Variants in PLXDC2 observed in about 807,000 individuals in gnomAD.
PLXDC2 encodes plexin domain containing 2, also known as plexin domain-containing protein 2.
Under a neutral mutation model 68.9 loss-of-function variants are expected in PLXDC2, and 40 were observed. That is an observed-to-expected ratio of 0.58 (90% CI 0.45 to 0.76). The LOEUF (loss-of-function observed/expected upper bound fraction) is 0.76, where lower values mean the gene tolerates loss of function less well. PLXDC2 is among the 30% of genes least tolerant of loss of function. PLXDC2 has a pLI of 0.00. For synonymous variants in PLXDC2, 243 were observed against 234.2 expected (o/e 1.04, Z -0.34); for missense variants, 644 against 661.9 (o/e 0.97, Z 0.30).
chr10:20,159,810 A>G (rs10827976), intron 6 of PLXDC2, among the ~76,000 whole-genome samples: 24,946 of 152,036 alleles, frequency 0.16, 2,361 homozygotes, highest in East Asian at 0.39. Flanking sequence ...ACATCTACCC[A>G]CAGTTGTTTC....
chr10:19,828,462 A>G (rs748786033), intron 1 of PLXDC2, among the ~76,000 whole-genome samples: 1 of 152,168 alleles, frequency 6.6e-6, no homozygotes, highest in Non-Finnish European at 1.5e-5. Context: ...ACAGTCCATG[A>G]CTGGCTACGG....
intron 4 of PLXDC2, among the ~76,000 whole-genome samples, chr10:20,124,212 G>C (rs543216945): frequency 1.7e-4 from 26 of 152,246 alleles, no homozygotes; most frequent in African/African-American, 6.3e-4. Flanking sequence ...GCCTTCCCTA[G>C]TCCTTGACCG....
intron 1 of PLXDC2, among the ~76,000 whole-genome samples, chr10:19,975,616 C>G (rs974549732): frequency 6.6e-6 from 1 of 152,182 alleles, no homozygotes; most frequent in African/African-American, 2.4e-5. Context: ...CTATTTAGAG[C>G]TGAGAAGTTT....
chr10:20,014,504 A>G (rs915164390), intron 2 of PLXDC2, among the ~76,000 whole-genome samples: 2 of 149,136 alleles, frequency 1.3e-5, no homozygotes, highest in Non-Finnish European at 3.0e-5. Flanking sequence ...TCTGTCATCA[A>G]CCCATCCAAG....
At chr10:20,151,915 T>C (rs1257047156) in intron 6 of PLXDC2, among the ~76,000 whole-genome samples, 1 of 152,070 alleles carries the variant, frequency 6.6e-6, no homozygotes, top group Admixed American at 6.5e-5. Flanking sequence ...AGAAGAAAAA[T>C]TCTGATTTAC....
intron 1 of PLXDC2, among the ~76,000 whole-genome samples, chr10:19,866,437 C>G (rs1165886286): frequency 6.6e-6 from 1 of 152,198 alleles, no homozygotes; most frequent in East Asian, 1.9e-4. Flanking sequence ...CTGGCTAAAT[C>G]TCCTGTTCTG....
At chr10:19,847,818 A>G (rs1276762026) in intron 1 of PLXDC2, among the ~76,000 whole-genome samples, 2 of 152,216 alleles carry the variant, frequency 1.3e-5, no homozygotes, top group Non-Finnish European at 2.9e-5. Flanking sequence ...TTTATTTTAA[A>G]GATGGGTAAC....
At chr10:19,915,988 G>A (rs370664027) in intron 1 of PLXDC2, among the ~76,000 whole-genome samples, 5 of 152,028 alleles carry the variant, frequency 3.3e-5, no homozygotes, top group Non-Finnish European at 5.9e-5. Flanking sequence ...TAACAGCCAG[G>A]TGGTGCTTTC....
chr10:20,008,507 C>T (rs1835062627), intron 2 of PLXDC2, among the ~76,000 whole-genome samples: 1 of 152,058 alleles, frequency 6.6e-6, no homozygotes, highest in South Asian at 2.1e-4. Flanking sequence ...GAGCCGAGAT[C>T]GTGTCATGAC....
chr10:20,103,685 A>G (rs1043989894), intron 4 of PLXDC2, among the ~76,000 whole-genome samples: 2 of 141,344 alleles, frequency 1.4e-5, no homozygotes, highest in African/African-American at 5.2e-5. Context: ...GTTGTCTCCC[A>G]TGCTGGAGTG....
intron 2 of PLXDC2, among the ~76,000 whole-genome samples, chr10:20,025,980 A>C (rs996375861): frequency 2.4e-4 from 36 of 152,126 alleles, no homozygotes; most frequent in Non-Finnish European, 5.9e-5. Context: ...AGATAAACTC[A>C]GGCAGAGGAA....
At chr10:19,910,168 T>TTATATATATATATATA (rs3043811) in intron 1 of PLXDC2, among the ~76,000 whole-genome samples, 86 of 145,246 alleles carry the variant, frequency 5.9e-4, no homozygotes, top group African/African-American at 2.1e-3. Flanking sequence ...TTGTACACTT[T>TTATATATATATATATA]TATATATATA....
intron 1 of PLXDC2, among the ~76,000 whole-genome samples, chr10:19,834,090 T>C (rs116746323): frequency 2.6e-5 from 4 of 152,150 alleles, no homozygotes; most frequent in Non-Finnish European, 5.9e-5. Flanking sequence ...CTGCATGAAC[T>C]TGCAGGTTGT....
intron 1 of PLXDC2, among the ~76,000 whole-genome samples, chr10:19,889,075 A>G (rs984420643): frequency 6.6e-6 from 1 of 152,088 alleles, no homozygotes; most frequent in African/African-American, 2.4e-5. Context: ...TTTTATGATA[A>G]TATAATAGAG....
chr10:20,232,437 A>G (rs904494912), intron 12 of PLXDC2, among the ~76,000 whole-genome samples: 1 of 152,182 alleles, frequency 6.6e-6, no homozygotes, highest in Non-Finnish European at 1.5e-5. Flanking sequence ...GAGAATATTC[A>G]TAGCAACATA....
At chr10:19,992,291 G>A (rs1024409604) in intron 1 of PLXDC2, among the ~76,000 whole-genome samples, 2 of 152,178 alleles carry the variant, frequency 1.3e-5, no homozygotes, top group African/African-American at 2.4e-5. Flanking sequence ...CCAATGGTGG[G>A]AAGTTACATA....
intron 1 of PLXDC2, among the ~76,000 whole-genome samples, chr10:19,952,523 T>C (rs1834006287): frequency 6.6e-6 from 1 of 152,192 alleles, no homozygotes. Context: ...TCTTTGGCTG[T>C]ATAAAACTAA....
chr10:19,994,312 A>ATTTTTTTTTTTTTTTTTTTTTTTT (rs869124443), intron 1 of PLXDC2, among the ~76,000 whole-genome samples: 17 of 34,318 alleles, frequency 5.0e-4, no homozygotes, highest in Non-Finnish European at 7.4e-4. Context: ...ACATGATTAA[A>ATTTTTTTTTTTTTTTTTTTTTTTT]TTTTTTTTTT....
At chr10:20,122,573 T>C (rs1472070966) in intron 4 of PLXDC2, among the ~76,000 whole-genome samples, 1 of 152,212 alleles carries the variant, frequency 6.6e-6, no homozygotes, top group Non-Finnish European at 1.5e-5. Flanking sequence ...GGAGGAATCC[T>C]GGGCTGCAGG....
Sources: gnomAD v4.1 joint callset for allele counts (sites outside exome capture counted in the v4.1 genomes callset) on GRCh38, gnomAD v4.1.1 for gene constraint, MANE v1.5 for transcripts, NCBI Gene and HGNC (gene_info 2026-07-23, HGNC 2026-07-21) for gene names.